Variants in CAMTA1 observed in about 807,000 individuals in gnomAD.
The protein encoded by CAMTA1 is calmodulin-binding transcription activator 1.
A neutral mutation model predicts 170.9 loss-of-function variants in CAMTA1; 27 were observed. The observed-to-expected ratio is 0.16, with a 90% CI of 0.12 to 0.22. The LOEUF is 0.22. Among genes scored for constraint, CAMTA1 ranks in the 10% least tolerant of loss-of-function variants. The probability of loss-of-function intolerance (pLI) is 1.00; values close to 1 mark genes in which losing one functional copy is unlikely to be tolerated. For missense variants in CAMTA1, 1,619 were observed against 2,217.2 expected (o/e 0.73, Z 5.42); for synonymous variants, 833 against 891.5 (o/e 0.93, Z 1.17).
intron 22 of CAMTA1, among the ~76,000 whole-genome samples, chr1:7,758,372 C>T (rs540861103): frequency 6.6e-6 from 1 of 152,264 alleles, no homozygotes; most frequent in South Asian, 2.1e-4. Flanking sequence ...CTCATGACAC[C>T]CCTTATGCCT....
At chr1:7,529,733 A>G (rs2094470130) in intron 6 of CAMTA1, among the ~76,000 whole-genome samples, 1 of 152,114 alleles carries the variant, frequency 6.6e-6, no homozygotes, top group Non-Finnish European at 1.5e-5. Flanking sequence ...TAACATCTCT[A>G]TCTGTAAAAT....
chr1:6,979,668 C>T (rs11120801), intron 3 of CAMTA1, among the ~76,000 whole-genome samples: 16,342 of 152,234 alleles, frequency 0.11, 1,143 homozygotes, highest in East Asian at 0.2. Flanking sequence ...CACTTAGAGG[C>T]GTTCTTAGAA....
intron 6 of CAMTA1, among the ~76,000 whole-genome samples, chr1:7,518,999 A>C (rs1534222): frequency 0.25 from 38,129 of 151,806 alleles, 5,499 homozygotes; most frequent in Non-Finnish European, 0.31. Context: ...AGAGCAAGGC[A>C]GTTCTCAAGG....
intron 22 of CAMTA1, among the ~76,000 whole-genome samples, chr1:7,758,934 CAAAAAAA>C (rs34490247): frequency 1.3e-5 from 1 of 78,998 alleles, no homozygotes. Context: ...GACTCTGTCT[CAAAAAAA>C]AAAAAAAAAA....
At chr1:6,917,845 CG>C (rs200173716) in intron 3 of CAMTA1, among the ~76,000 whole-genome samples, 9 of 54,354 alleles carry the variant, frequency 1.7e-4, no homozygotes, top group Admixed American at 3.0e-4. Flanking sequence ...CAAAACCCAT[CG>C]GGGGCGGGGG....
intron 11 of CAMTA1, among the ~76,000 whole-genome samples, chr1:7,691,848 T>G (rs1374685973): frequency 6.6e-6 from 1 of 152,124 alleles, no homozygotes; most frequent in African/African-American, 2.4e-5. Flanking sequence ...ATGACAATAT[T>G]GCTGAGTCCC....
rs200217819 is a variant in CAMTA1, at chr1:7,280,930, CT to C, written c.438+31305del. On this transcript the variant is annotated intron_variant, in intron 5 of 22. Transcript: ENST00000303635. ...ATAAAGCCAAATTAGGAGAGAACTGCTGAAAAACAAAAACACATATTTCATA... is the reference window on the plus strand; with the variant it reads ...ATAAAGCCAAATTAGGAGAGAACTGCGAAAAACAAAAACACATATTTCATA... Among the ~76,000 whole-genome samples, 534 of 152,258 alleles carry C rather than the reference CT, an allele frequency of 3.5e-3. 8 individuals are homozygous for C. Among genetic ancestry groups the C allele is most frequent in the Admixed American group, 0.024 (361 of 15,290 alleles).
In CAMTA1 at chr1:7,685,914, C is replaced by G. The variant is rs1241818926; in HGVS notation, c.2914+8181C>G. Among the ~76,000 whole-genome samples the G allele has an allele frequency of 2.0e-5, 3 of 152,168 alleles. No individual in the cohort carries two copies. Among genetic ancestry groups the G allele is most frequent in the Non-Finnish European group, 2.9e-5 (2 of 68,040 alleles). On this transcript the variant is annotated intron_variant, in intron 11 of 22. Transcript: ENST00000303635. This position sits in a 1 kb window ranked among gnomAD's most constrained non-coding sequence, Gnocchi z 5.7. ...CTGTGGATAATCCCACCCAAAAACC[C>G]AGGAGTCACCCCTTGCTCACTCCCT...
At chr1:6,961,740 T>A (rs1024131309) in intron 3 of CAMTA1, among the ~76,000 whole-genome samples, 2 of 152,202 alleles carry the variant, frequency 1.3e-5, no homozygotes, top group Non-Finnish European at 2.9e-5. Flanking sequence ...CCAAAGGACA[T>A]GAATACCGCA....
intron 4 of CAMTA1, among the ~76,000 whole-genome samples, chr1:7,102,509 G>C (rs1642863772): frequency 6.6e-6 from 1 of 152,202 alleles, no homozygotes; most frequent in Admixed American, 6.5e-5. Flanking sequence ...TAGGCCGAGG[G>C]ATCAGAGAAG....
intron 11 of CAMTA1, among the ~76,000 whole-genome samples, chr1:7,708,210 A>G (rs1486291916): frequency 2.6e-5 from 4 of 152,178 alleles, no homozygotes; most frequent in African/African-American, 9.7e-5. Flanking sequence ...GCATGCCTAC[A>G]GTCCCAGCTA....
intron 6 of CAMTA1, among the ~76,000 whole-genome samples, chr1:7,478,644 G>A (rs748478846): frequency 4.6e-5 from 7 of 152,220 alleles, no homozygotes; most frequent in Non-Finnish European, 8.8e-5. Context: ...AGCGTGTGCT[G>A]TCAGCTTGGC....
chr1:7,713,991 G>A (rs1022463853), intron 11 of CAMTA1, among the ~76,000 whole-genome samples: 13 of 152,192 alleles, frequency 8.5e-5, no homozygotes, highest in African/African-American at 3.1e-4. Flanking sequence ...CAGGGGCTGG[G>A]CAGTCACTTG....
intron 6 of CAMTA1, among the ~76,000 whole-genome samples, chr1:7,508,410 C>T (rs769048650): frequency 1.3e-5 from 2 of 152,216 alleles, no homozygotes; most frequent in Admixed American, 1.3e-4. Context: ...TTTGATTTGT[C>T]GCTAGTCCTG....
At chr1:6,932,236 G>A (rs1399664041) in intron 3 of CAMTA1, among the ~76,000 whole-genome samples, 1 of 152,164 alleles carries the variant, frequency 6.6e-6, no homozygotes, top group Non-Finnish European at 1.5e-5. Context: ...CAGTCTGTTA[G>A]TTAGCATTTC....
chr1:7,625,813 C>T (rs12117767), intron 6 of CAMTA1, among the ~76,000 whole-genome samples: 20,196 of 152,242 alleles, frequency 0.13, 1,452 homozygotes, highest in African/African-American at 0.16. Flanking sequence ...CTGGGAAGGG[C>T]CTGGCCTGCT....
intron 3 of CAMTA1, among the ~76,000 whole-genome samples, chr1:6,884,291 G>GAGACACACACAC (rs1448763424): frequency 7.3e-6 from 1 of 136,550 alleles, no homozygotes; most frequent in Admixed American, 7.6e-5. Context: ...ATTCTCTAGA[G>GAGACACACACAC]ACACACACAC....
chr1:7,698,052 G>C (rs548231920), intron 11 of CAMTA1, among the ~76,000 whole-genome samples: 8 of 143,730 alleles, frequency 5.6e-5, no homozygotes, highest in Admixed American at 4.4e-4. Context: ...GCTCTGTCAG[G>C]TCATGCTGGC....
chr1:7,375,253 C>T (rs951019083), intron 5 of CAMTA1, among the ~76,000 whole-genome samples: 8 of 152,058 alleles, frequency 5.3e-5, no homozygotes, highest in East Asian at 1.9e-4. Context: ...GATAGGGCAC[C>T]GTGGGGCACA....
Sources: gnomAD v4.1 joint callset for allele counts (sites outside exome capture counted in the v4.1 genomes callset) on GRCh38, gnomAD v4.1.1 for gene constraint, Gnocchi (gnomAD v3.1) non-coding constraint, MANE v1.5 for transcripts, NCBI Gene and HGNC (gene_info 2026-07-23, HGNC 2026-07-21) for gene names.